Variants in ZNF536 observed in about 807,000 individuals in gnomAD.
The protein encoded by ZNF536 is zinc finger protein 536.
A neutral mutation model predicts 84.5 loss-of-function variants in ZNF536; 13 were observed. That is an observed-to-expected ratio of 0.15 (90% confidence interval 0.10 to 0.24). ZNF536 has a LOEUF of 0.24. ZNF536 is among the 10% of genes least tolerant of loss of function. ZNF536 has a pLI of 1.00. For synonymous variants in ZNF536, 811 were observed against 742.5 expected (o/e 1.09, Z -1.50); for missense variants, 1,536 against 1,747.5 (o/e 0.88, Z 2.16).
In ZNF536 at chr19:30,557,880, G is replaced by A. The variant is rs866526436; in HGVS notation, c.*716G>A. On this transcript the variant is annotated 3_prime_UTR_variant, in exon 5 of 5. Transcript: ENST00000355537. ...GATATATTAAGGTGTTCCTGGTAAT[G>A]AAGGCATGTAAGTTATAATAATTGT... is the stretch of plus-strand genomic sequence containing the variant. 3 of 152,600 alleles carry A rather than the reference G, an allele frequency of 2.0e-5. No individual in the cohort carries two copies. Among genetic ancestry groups the A allele is most frequent in the Non-Finnish European group, 4.4e-5 (3 of 68,038 alleles). 9.5% of individuals were successfully genotyped at this position (152,600 alleles called of 1,614,324 possible).
chr19:30,416,643 T>G (rs1219065668), intron 1 of ZNF536, among the ~76,000 whole-genome samples: 4 of 152,306 alleles, frequency 2.6e-5, no homozygotes, highest in African/African-American at 7.2e-5. Context: ...AGGCTTTCTC[T>G]CTGGCACTGG....
At chr19:30,659,623 A>T (rs1207054598) in intron 1 of ZNF536, among the ~76,000 whole-genome samples, 1 of 152,252 alleles carries the variant, frequency 6.6e-6, no homozygotes, top group Non-Finnish European at 1.5e-5. Context: ...AGCAGGCAAG[A>T]GTAGAAGTGC....
At chr19:30,588,565 CATTTTTTTTCTA>C (rs2047174398) in intron 1 of ZNF536, among the ~76,000 whole-genome samples, 1 of 152,114 alleles carries the variant, frequency 6.6e-6, no homozygotes. Flanking sequence ...TTCCTGTTTC[CATTTTTTTTCTA>C]ATTTTTCTGA....
chr19:30,465,539 G>C (rs570707018), intron 2 of ZNF536, among the ~76,000 whole-genome samples: 1 of 152,090 alleles, frequency 6.6e-6, no homozygotes, highest in Non-Finnish European at 1.5e-5. Context: ...CAGCACCCAC[G>C]GCAGTGCCTG....
chr19:30,532,905 A>G (rs145093260), intron 2 of ZNF536, among the ~76,000 whole-genome samples: 45 of 152,324 alleles, frequency 3.0e-4, no homozygotes, highest in Admixed American at 1.4e-3. Flanking sequence ...GCCCTGATCA[A>G]TAAGCCATCT....
intron 2 of ZNF536, among the ~76,000 whole-genome samples, chr19:30,331,910 T>C (rs1005965355): frequency 2.6e-5 from 4 of 152,158 alleles, no homozygotes; most frequent in African/African-American, 9.7e-5. Flanking sequence ...CATCACTTCC[T>C]TGCACCCATT....
chr19:30,374,356 A>C (rs1382529074), intron 1 of ZNF536, among the ~76,000 whole-genome samples: 1 of 152,166 alleles, frequency 6.6e-6, no homozygotes, highest in Non-Finnish European at 1.5e-5. Flanking sequence ...TAAAAAATAT[A>C]AAGTAATACT....
At chr19:30,248,063 T>A (rs1184497942) in intron 1 of ZNF536, among the ~76,000 whole-genome samples, 1 of 152,172 alleles carries the variant, frequency 6.6e-6, no homozygotes, top group East Asian at 1.9e-4. Flanking sequence ...AAGAGCCACA[T>A]GTACAGCGTC....
chr19:30,339,344 AC>A lies in ZNF536; in HGVS notation c.-119-13023del, dbSNP rs576134368. 1.7e-3 allele frequency among the ~76,000 whole-genome samples: 253 copies of A among 152,332 alleles called. 1 individual carries two copies. The highest frequency in any genetic ancestry group is 5.4e-3 in the African/African-American group (226 of 41,584). ...AAGTTGGGTCCTTGAAGCCCTGAGCACAGTGGGAGTCCCAGAACAGCTTCTA... is the reference window on the plus strand; with the variant it reads ...AAGTTGGGTCCTTGAAGCCCTGAGCAAGTGGGAGTCCCAGAACAGCTTCTA... On this transcript the variant is annotated intron_variant, in intron 2 of 5. Transcript: ENST00000585628.
intron 1 of ZNF536, among the ~76,000 whole-genome samples, chr19:30,577,927 A>G (rs985251925): frequency 6.6e-6 from 1 of 152,190 alleles, no homozygotes; most frequent in African/African-American, 2.4e-5. Context: ...TGTGGTGGGG[A>G]TGAAGAGAGT....
intron 1 of ZNF536, among the ~76,000 whole-genome samples, chr19:30,671,694 A>G (rs556680344): frequency 8.0e-4 from 122 of 152,176 alleles, no homozygotes; most frequent in Non-Finnish European, 1.3e-3. Flanking sequence ...ACTAGTGTTT[A>G]TAGCACCTGC....
intron 1 of ZNF536, among the ~76,000 whole-genome samples, chr19:30,259,954 G>A (rs911924389): frequency 2.1e-5 from 3 of 142,860 alleles, no homozygotes; most frequent in East Asian, 2.0e-4. Context: ...TAGTAGAGAC[G>A]ATGTTTCACC....
At chr19:30,683,579 A>G (rs2147844504) in intron 1 of ZNF536, among the ~76,000 whole-genome samples, 1 of 151,088 alleles carries the variant, frequency 6.6e-6, no homozygotes, top group South Asian at 2.1e-4. Flanking sequence ...TTTCCCTCTG[A>G]TGGTTTCTGC....
chr19:30,233,585 C>A (rs557460005), intron 1 of ZNF536, among the ~76,000 whole-genome samples: 3 of 151,934 alleles, frequency 2.0e-5, no homozygotes, highest in Admixed American at 2.0e-4. Context: ...TGGCCTCAGG[C>A]AGTCCTCCCA....
intron 1 of ZNF536, among the ~76,000 whole-genome samples, chr19:30,386,165 C>A (rs1225547614): frequency 2.6e-5 from 4 of 152,142 alleles, no homozygotes; most frequent in Non-Finnish European, 5.9e-5. Context: ...GAAAGCCAGC[C>A]ACTTTTTCTC....
chr19:30,381,964 A>G (rs1446103720), intron 1 of ZNF536, among the ~76,000 whole-genome samples: 3 of 152,200 alleles, frequency 2.0e-5, no homozygotes, highest in Non-Finnish European at 4.4e-5. Flanking sequence ...CTTAATTTAA[A>G]TTCTTGTTTT....
intron 1 of ZNF536, among the ~76,000 whole-genome samples, chr19:30,373,895 A>C (rs1545038): frequency 3.3e-5 from 5 of 152,324 alleles, no homozygotes; most frequent in East Asian, 3.9e-4. Flanking sequence ...GGTGGGCCTC[A>C]GCAAGGTGCA....
chr19:30,300,035 C>CA (rs1268173370), intron 2 of ZNF536, among the ~76,000 whole-genome samples: 15 of 152,154 alleles, frequency 9.9e-5, no homozygotes, highest in Admixed American at 9.2e-4. Flanking sequence ...TCAGACGAGG[C>CA]AAAACCTTTC....
chr19:30,295,925 A>G (rs1178611833), intron 2 of ZNF536, among the ~76,000 whole-genome samples: 3 of 151,830 alleles, frequency 2.0e-5, no homozygotes, highest in Non-Finnish European at 2.9e-5. Flanking sequence ...TCCATGCTGA[A>G]CTCCTGGCTC....
Sources: allele counts gnomAD v4.1 joint callset (sites outside exome capture counted in the v4.1 genomes callset), GRCh38; gene constraint gnomAD v4.1.1; transcripts MANE v1.5; gene names NCBI Gene and HGNC (gene_info 2026-07-23, HGNC 2026-07-21).